Variants in ZSWIM6 observed in about 807,000 individuals in gnomAD.
The protein encoded by ZSWIM6 is zinc finger SWIM domain-containing protein 6.
Under a neutral mutation model 113.2 loss-of-function variants are expected in ZSWIM6, and 9 were observed. The ratio of observed to expected loss-of-function variants is 0.08; its 90% CI spans 0.05 to 0.14. The LOEUF is 0.14. Among genes scored for constraint, ZSWIM6 ranks in the 10% least tolerant of loss-of-function variants. ZSWIM6 has a pLI of 1.00. For synonymous variants in ZSWIM6, 611 were observed against 606.5 expected (o/e 1.01, Z -0.11); for missense variants, 1,162 against 1,552.2 (o/e 0.75, Z 4.22).
At chr5:61,527,884 TAACTA>T (rs1296966319) in intron 7 of ZSWIM6, among the ~76,000 whole-genome samples, 1 of 152,236 alleles carries the variant, frequency 6.6e-6, no homozygotes, top group Non-Finnish European at 1.5e-5. Flanking sequence ...GTTTCCTAAC[TAACTA>T]ATGTTCCTAA....
At chr5:61,383,961 G>T (rs554479861) in intron 1 of ZSWIM6, among the ~76,000 whole-genome samples, 6 of 151,638 alleles carry the variant, frequency 4.0e-5, no homozygotes, top group African/African-American at 1.5e-4. Context: ...ACTGAGAGTG[G>T]CCGGGCGCGG....
intron 1 of ZSWIM6, among the ~76,000 whole-genome samples, chr5:61,373,531 C>T (rs944185827): frequency 6.6e-6 from 1 of 151,984 alleles, no homozygotes; most frequent in African/African-American, 2.4e-5. Context: ...CCACTGGTAC[C>T]CTAAGTCTAA....
At chr5:61,467,868 A>G (rs1321778871) in intron 1 of ZSWIM6, among the ~76,000 whole-genome samples, 1 of 152,162 alleles carries the variant, frequency 6.6e-6, no homozygotes, top group East Asian at 1.9e-4. Context: ...CTTAACTGAG[A>G]CATTCTCAGT....
chr5:61,525,695 A>G (rs1749255163), intron 5 of ZSWIM6, 105 bp from the exon 6 acceptor site: 4 of 1,324,568 alleles, frequency 3.0e-6, no homozygotes, highest in Non-Finnish European at 4.2e-6. Flanking sequence ...GTGCAGGACA[A>G]TGTGTGTGGG....
At chr5:61,372,853 A>C (rs1745295194) in intron 1 of ZSWIM6, among the ~76,000 whole-genome samples, 1 of 152,102 alleles carries the variant, frequency 6.6e-6, no homozygotes, top group African/African-American at 2.4e-5. Flanking sequence ...GCGTCTTATC[A>C]TTTTTACCTC....
chr5:61,510,151 A>G (rs1319841239), intron 4 of ZSWIM6, among the ~76,000 whole-genome samples: 1 of 151,596 alleles, frequency 6.6e-6, no homozygotes, highest in Non-Finnish European at 1.5e-5. Flanking sequence ...TAACCTTTCC[A>G]GATCAGACCT....
chr5:61,472,473 C>T lies in ZSWIM6; in HGVS notation c.677-208C>T, dbSNP rs1747596071. On this transcript the variant is annotated intron_variant, in intron 1 of 13. Coordinates refer to ENST00000252744, the MANE Select transcript of ZSWIM6 (RefSeq NM_020928.2). This position sits in a 1 kb window ranked among gnomAD's most constrained non-coding sequence, Gnocchi z 4.1. The stretch of plus-strand genomic sequence containing the variant: ...GGCTGTGTAAAATACTTCAGCATAT[C>T]AGTTGAATACCATTTATTTATTTTT... Among the ~76,000 whole-genome samples the T allele has an allele frequency of 6.6e-6, 1 of 152,094 alleles. No homozygotes were observed. Among genetic ancestry groups the T allele is most frequent in the South Asian group, 2.1e-4 (1 of 4,822 alleles).
intron 1 of ZSWIM6, among the ~76,000 whole-genome samples, chr5:61,365,859 G>T (rs1745138197): frequency 6.6e-6 from 1 of 152,152 alleles, no homozygotes; most frequent in Admixed American, 6.5e-5. Context: ...GGGCACATCT[G>T]CCCAATACCT....
intron 1 of ZSWIM6, among the ~76,000 whole-genome samples, chr5:61,395,961 G>T (rs1022302848): frequency 6.6e-6 from 1 of 151,802 alleles, no homozygotes; most frequent in African/African-American, 2.4e-5. Context: ...TCATTTATTA[G>T]ATCAGTATAT....
At chr5:61,356,783 T>C (rs1172637185) in intron 1 of ZSWIM6, among the ~76,000 whole-genome samples, 1 of 140,804 alleles carries the variant, frequency 7.1e-6, no homozygotes, top group African/African-American at 2.6e-5. Context: ...TATATATAAA[T>C]ATTTTATATA....
At chr5:61,451,053 A>T (rs930822471) in intron 1 of ZSWIM6, among the ~76,000 whole-genome samples, 4 of 152,126 alleles carry the variant, frequency 2.6e-5, no homozygotes, top group African/African-American at 9.7e-5. Context: ...CCATCTGGCT[A>T]GTGTGGTTGT....
In ZSWIM6 at chr5:61,543,975, G is replaced by A. The variant is rs999132792; in HGVS notation, c.3306G>A (p.Thr1102=). ...TGGTCAAGAGTGTCAAGTGTGCAAC[G>A]GTACTGTCAGACATTTTGCGCAGAT... ...PLVVKSVKCA[T]VLSDILRRCT... Residue 1102 remains threonine, a synonymous_variant, in exon 14 of 14, where the codon ACG becomes ACA. Transcript: ENST00000252744. The surrounding 1 kb of genome is among the most constrained non-coding windows in gnomAD (Gnocchi z 4.3). 3.9e-6 allele frequency: 6 copies of A among 1,551,678 alleles called. No individual in the cohort carries two copies. The highest frequency in any genetic ancestry group is 1.2e-5 in the South Asian group (1 of 84,060).
intron 1 of ZSWIM6, among the ~76,000 whole-genome samples, chr5:61,382,369 T>G (rs1318959201): frequency 1.3e-5 from 2 of 152,228 alleles, no homozygotes; most frequent in African/African-American, 2.4e-5. Context: ...TTTTTATTTA[T>G]GATGAGGGAC....
chr5:61,356,692 TAC>T (rs1203867847), intron 1 of ZSWIM6, among the ~76,000 whole-genome samples: 2 of 137,742 alleles, frequency 1.5e-5, no homozygotes, highest in Non-Finnish European at 3.1e-5. Flanking sequence ...ATATATAATA[TAC>T]ATATTTTATA....
chr5:61,496,964 T>C (rs1561263971), intron 4 of ZSWIM6, among the ~76,000 whole-genome samples: 2 of 152,152 alleles, frequency 1.3e-5, no homozygotes, highest in African/African-American at 4.8e-5. Flanking sequence ...CAAGCCATAA[T>C]TGGAGCAGCT....
At chr5:61,365,351 C>CA (rs369690456) in intron 1 of ZSWIM6, among the ~76,000 whole-genome samples, 138,651 of 145,526 alleles carry the variant, frequency 0.95, 66,035 homozygotes, top group East Asian at 0.99. Flanking sequence ...GACTCTGTCT[C>CA]AAAAAAAAAA....
At chr5:61,378,966 G>A (rs1745425285) in intron 1 of ZSWIM6, among the ~76,000 whole-genome samples, 1 of 151,956 alleles carries the variant, frequency 6.6e-6, no homozygotes, top group Admixed American at 6.5e-5. Flanking sequence ...GATCACTTGA[G>A]GCCAGGAGTT....
intron 1 of ZSWIM6, among the ~76,000 whole-genome samples, chr5:61,406,699 T>TTTATTTATTTAC (rs1746049976): frequency 8.0e-6 from 1 of 125,044 alleles, no homozygotes; most frequent in South Asian, 2.2e-4. Flanking sequence ...CTTTTATTTA[T>TTTATTTATTTAC]TTATTTATTT....
intron 7 of ZSWIM6, among the ~76,000 whole-genome samples, chr5:61,526,643 T>G (rs1749292463): frequency 2.0e-5 from 3 of 152,328 alleles, no homozygotes; most frequent in Non-Finnish European, 4.4e-5. Context: ...GATAATTTTC[T>G]TTATTGTTTT....
Sources: gnomAD v4.1 joint callset for allele counts (sites outside exome capture counted in the v4.1 genomes callset) on GRCh38, gnomAD v4.1.1 for gene constraint, Gnocchi (gnomAD v3.1) non-coding constraint, MANE v1.5 for transcripts, NCBI Gene and HGNC (gene_info 2026-07-23, HGNC 2026-07-21) for gene names.